NOL4: variants seen among roughly 807,000 people sequenced by gnomAD.
NOL4 encodes the protein cancer/testis antigen 125.
NOL4 carries 17 observed loss-of-function variants against 75.9 expected under a neutral mutation model. The ratio of observed to expected loss-of-function variants is 0.22; its 90% CI spans 0.15 to 0.34. NOL4 has a LOEUF of 0.34. Among genes scored for constraint, NOL4 ranks in the 10% least tolerant of loss-of-function variants. The probability of loss-of-function intolerance (pLI) is 1.00; values close to 1 mark genes in which losing one functional copy is unlikely to be tolerated. For missense variants in NOL4, 614 were observed against 793.5 expected (o/e 0.77, Z 2.72); for synonymous variants, 292 against 289.9 (o/e 1.01, Z -0.07).
chr18:33,920,973 A>T (rs2067004599), intron 9 of NOL4, among the ~76,000 whole-genome samples: 1 of 152,170 alleles, frequency 6.6e-6, no homozygotes, highest in Non-Finnish European at 1.5e-5. Context: ...GTGGGACAGG[A>T]AGACAGAGCA....
intron 1 of NOL4, among the ~76,000 whole-genome samples, chr18:34,163,961 G>C (rs1171462434): frequency 6.6e-6 from 1 of 152,096 alleles, no homozygotes; most frequent in South Asian, 2.1e-4. Flanking sequence ...TCTGATCTTT[G>C]ACAAACCTGA....
At chr18:34,205,561 C>T (rs1352951416) in intron 1 of NOL4, among the ~76,000 whole-genome samples, 2 of 152,024 alleles carry the variant, frequency 1.3e-5, no homozygotes, top group Admixed American at 1.3e-4. Flanking sequence ...GTGAGTTCAT[C>T]CCATGAACTC....
intron 5 of NOL4, among the ~76,000 whole-genome samples, chr18:34,059,832 A>G (rs1422640947): frequency 1.3e-5 from 2 of 152,160 alleles, no homozygotes; most frequent in Admixed American, 6.5e-5. Context: ...GAGACCATGT[A>G]GGGAGAGGTC....
intron 5 of NOL4, among the ~76,000 whole-genome samples, chr18:34,059,627 C>A (rs1224931178): frequency 6.6e-6 from 1 of 152,110 alleles, no homozygotes; most frequent in African/African-American, 2.4e-5. Flanking sequence ...CCATAACTTT[C>A]TCCTTGTGAA....
intron 6 of NOL4, among the ~76,000 whole-genome samples, chr18:34,018,276 G>A (rs1260722886): frequency 2.0e-5 from 3 of 152,112 alleles, no homozygotes; most frequent in African/African-American, 7.2e-5. Flanking sequence ...AAACCACTGA[G>A]GAGGATATTT....
chr18:33,907,398 A>G (rs1226869865), intron 9 of NOL4, among the ~76,000 whole-genome samples: 4 of 151,934 alleles, frequency 2.6e-5, no homozygotes, highest in Admixed American at 1.3e-4. Flanking sequence ...ACCAATGTTT[A>G]TCTTCCCTTG....
intron 9 of NOL4, among the ~76,000 whole-genome samples, chr18:33,937,412 C>G (rs2068128736): frequency 6.6e-6 from 1 of 152,124 alleles, no homozygotes; most frequent in Non-Finnish European, 1.5e-5. Context: ...AATTACATCT[C>G]TACATGTGGC....
At chr18:34,211,129 AAGG>A (rs2036488188) in intron 1 of NOL4, among the ~76,000 whole-genome samples, 1 of 151,880 alleles carries the variant, frequency 6.6e-6, no homozygotes, top group South Asian at 2.1e-4. Context: ...GGAAGGAAGG[AAGG>A]AAGGAAGGAA....
intron 1 of NOL4, among the ~76,000 whole-genome samples, chr18:34,133,454 AATAAT>A (rs1600688704): frequency 2.0e-5 from 3 of 151,632 alleles, no homozygotes; most frequent in Admixed American, 6.6e-5. Context: ...TAAAGGTAAA[AATAAT>A]ATAATATAAT....
rs146043296 is a variant in NOL4 at position 33,922,778 on chromosome 18, T to C, written c.1542+20287A>G. On this transcript the variant is annotated intron_variant, in intron 9 of 10. Transcript: ENST00000261592. ...ATATATTAACAAGCTAATTTTTTAA[T>C]GTTTACACATTCCTGCATCAAAACT... Among the ~76,000 whole-genome samples the C allele has an allele frequency of 2.2e-4, 33 of 152,322 alleles. 1 individual carries two copies. The East Asian group carries it at 6.4e-3, about 29-fold the overall frequency.
intron 5 of NOL4, among the ~76,000 whole-genome samples, chr18:34,081,870 T>C (rs2078025709): frequency 6.6e-6 from 1 of 152,178 alleles, no homozygotes; most frequent in Admixed American, 6.6e-5. Flanking sequence ...AGGGCAATTA[T>C]TGTCAAGAGA....
chr18:34,208,257 T>C (rs1468671395), intron 1 of NOL4, among the ~76,000 whole-genome samples: 2 of 152,096 alleles, frequency 1.3e-5, no homozygotes, highest in African/African-American at 4.8e-5. Context: ...CCAGAGTTTT[T>C]AGTATAATCA....
At chr18:34,142,126 A>G (rs573718147) in intron 1 of NOL4, among the ~76,000 whole-genome samples, 3 of 152,332 alleles carry the variant, frequency 2.0e-5, no homozygotes, top group Non-Finnish European at 2.9e-5. Flanking sequence ...CAAAACCACA[A>G]TGAGATACCA....
chr18:34,144,517 A>G (rs866786992), intron 1 of NOL4, among the ~76,000 whole-genome samples: 4 of 152,164 alleles, frequency 2.6e-5, no homozygotes, highest in African/African-American at 9.6e-5. Flanking sequence ...AGCTAATTTG[A>G]TAGAAAAACT....
intron 6 of NOL4, among the ~76,000 whole-genome samples, chr18:33,974,886 G>T (rs570749233): frequency 1.3e-5 from 2 of 152,256 alleles, no homozygotes; most frequent in Non-Finnish European, 1.5e-5. Flanking sequence ...TGGCTTTACT[G>T]TTCACAGTAT....
intron 6 of NOL4, among the ~76,000 whole-genome samples, chr18:33,986,747 C>CA (rs1008962106): frequency 6.6e-6 from 1 of 151,498 alleles, no homozygotes; most frequent in Admixed American, 6.6e-5. Flanking sequence ...TTTATAGAAT[C>CA]AAAAAAAATC....
intron 1 of NOL4, among the ~76,000 whole-genome samples, chr18:34,143,172 G>A (rs927353260): frequency 6.6e-6 from 1 of 152,206 alleles, no homozygotes; most frequent in East Asian, 1.9e-4. Flanking sequence ...GTAGAGTAGA[G>A]TGCGGAGTGA....
intron 5 of NOL4, among the ~76,000 whole-genome samples, chr18:34,089,602 A>T (rs566290415): frequency 1.8e-4 from 28 of 152,372 alleles, no homozygotes; most frequent in African/African-American, 6.3e-4. Context: ...CAAGTTGGAC[A>T]GTGTAACTAA....
intron 10 of NOL4, among the ~76,000 whole-genome samples, chr18:33,853,791 C>T (rs1599628525): frequency 6.6e-6 from 1 of 151,988 alleles, no homozygotes; most frequent in African/African-American, 2.4e-5. Flanking sequence ...TTTATTTGCA[C>T]AAAACACATT....
Sources: gnomAD v4.1 joint callset for allele counts (sites outside exome capture counted in the v4.1 genomes callset) on GRCh38, gnomAD v4.1.1 for gene constraint, MANE v1.5 for transcripts, NCBI Gene and HGNC (gene_info 2026-07-23, HGNC 2026-07-21) for gene names.